The following LIN9 variants were observed in gnomAD, a reference collection of about 807,000 sequenced individuals.
LIN9 encodes the protein protein lin-9 homolog.
In LIN9, 18 loss-of-function variants were observed where a neutral mutation model predicts 78.0. The ratio of observed to expected loss-of-function variants is 0.23; its 90% CI spans 0.16 to 0.34. The LOEUF (loss-of-function observed/expected upper bound fraction) is 0.34, where lower values mean the gene tolerates loss of function less well. Among genes scored for constraint, LIN9 ranks in the 10% least tolerant of loss-of-function variants. The pLI is 1.00. For synonymous variants in LIN9, 192 were observed against 215.2 expected, an observed-to-expected ratio of 0.89 and a Z score of 0.94; for missense variants, 451 against 644.1, an observed-to-expected ratio of 0.70 and a Z score of 3.25.
rs541202288 is a variant in LIN9 at position 226,240,265 on chromosome 1, G to A, written c.1120-1169C>T. Among the ~76,000 whole-genome samples the A allele has an allele frequency of 2.0e-5, 3 of 152,294 alleles. No individual in the cohort carries two copies. The East Asian group carries it at 5.8e-4, about 29-fold the overall frequency. ...GTGGTTTTGTTGTTGTTGTTTTTGG[G>A]ATGGCGTCTTGCTATGTTGCCCAGG... On this transcript the variant is annotated intron_variant, in intron 11 of 14. Coordinates refer to ENST00000681046, the MANE Select transcript of LIN9 (RefSeq NM_001366245.2).
In LIN9 at chr1:226,260,628, G is replaced by GTTTTTT. The variant is rs559460640; in HGVS notation, c.1038+4899_1038+4904dup. 4.9e-4 allele frequency among the ~76,000 whole-genome samples: 36 copies of GTTTTTT among 73,418 alleles called. 2 individuals are homozygous for GTTTTTT. The highest frequency in any genetic ancestry group is 1.0e-3 in the African/African-American group (20 of 19,818). 48.2% of individuals were successfully genotyped at this position (73,418 alleles called of 152,430 possible). A position where few individuals can be genotyped will look rare whatever the true frequency, so the allele number is the denominator to read the frequency against. ...AGAATTTAAGATCACGGCCAAATGA[G>GTTTTTT]TTTTTTTTTTTTTTTTTTTTTTTTT... On this transcript the variant is annotated intron_variant, in intron 10 of 14. Transcript: ENST00000681046.
chr1:226,288,047 C>A (rs938174263), intron 4 of LIN9, among the ~76,000 whole-genome samples: 1 of 152,040 alleles, frequency 6.6e-6, no homozygotes, highest in Non-Finnish European at 1.5e-5. Context: ...TCTCGGCTCA[C>A]TGCAACCTCT....
intron 6 of LIN9, among the ~76,000 whole-genome samples, chr1:226,282,334 CTG>C (rs1373586370): frequency 6.6e-6 from 1 of 152,180 alleles, no homozygotes; most frequent in African/African-American, 2.4e-5. Context: ...GCAAGTAGCT[CTG>C]TGTTGTACAT....
intron 4 of LIN9, among the ~76,000 whole-genome samples, chr1:226,291,391 C>T (rs1464099767): frequency 6.6e-6 from 1 of 152,052 alleles, no homozygotes; most frequent in Non-Finnish European, 1.5e-5. Context: ...CAGAATGACA[C>T]ATGGCACAAT....
At chr1:226,267,429 A>G (rs1361233577) in intron 8 of LIN9, among the ~76,000 whole-genome samples, 1 of 149,592 alleles carries the variant, frequency 6.7e-6, no homozygotes, top group Non-Finnish European at 1.5e-5. Flanking sequence ...TCTCAAAAAA[A>G]AAAAAAAAAA....
intron 6 of LIN9, among the ~76,000 whole-genome samples, chr1:226,281,104 C>T (rs868409069): frequency 5.9e-5 from 9 of 152,244 alleles, no homozygotes; most frequent in Middle Eastern, 3.4e-3. Flanking sequence ...TAATGAAATC[C>T]TGTCATTTGC....
chr1:226,238,850 A>C (rs1018103255), intron 12 of LIN9, 121 bp downstream of exon 12: 2 of 913,822 alleles, frequency 2.2e-6, no homozygotes, highest in Non-Finnish European at 3.3e-6. Flanking sequence ...ACTTTATATA[A>C]TACAGTTCTG....
intron 2 of LIN9, among the ~76,000 whole-genome samples, chr1:226,298,044 T>C (rs1398555022): frequency 2.6e-5 from 4 of 152,262 alleles, no homozygotes; most frequent in African/African-American, 9.6e-5. Flanking sequence ...TAAATGTCCA[T>C]ACTGAAACAT....
chr1:226,283,946 A>C (rs1661237644), intron 6 of LIN9, among the ~76,000 whole-genome samples: 1 of 152,132 alleles, frequency 6.6e-6, no homozygotes, highest in Admixed American at 6.5e-5. Flanking sequence ...CCATCTCAAA[A>C]AAAAAAGAGA....
At chr1:226,284,007 G>C (rs1661246071) in intron 6 of LIN9, among the ~76,000 whole-genome samples, 1 of 151,780 alleles carries the variant, frequency 6.6e-6, no homozygotes, top group Non-Finnish European at 1.5e-5. Context: ...ACTCTCTTAT[G>C]TTTTCCTCTT....
intron 11 of LIN9, among the ~76,000 whole-genome samples, chr1:226,244,234 T>C (rs368984043): frequency 1.2e-4 from 17 of 144,260 alleles, no homozygotes; most frequent in African/African-American, 4.2e-4. Flanking sequence ...AGTTAAAGAC[T>C]AGCCTGGCCA....
intron 14 of LIN9, 81 bp from the exon 15 acceptor site, chr1:226,232,687 GT>G: frequency 1.4e-6 from 1 of 721,832 alleles, no homozygotes; most frequent in Non-Finnish European, 2.3e-6. Flanking sequence ...CTGAATTTTA[GT>G]TAGGAAACAG....
intron 10 of LIN9, among the ~76,000 whole-genome samples, chr1:226,253,566 A>T (rs994854449): frequency 1.3e-5 from 2 of 149,764 alleles, no homozygotes; most frequent in Admixed American, 1.3e-4. Context: ...AAGTGCTGGG[A>T]TTACATACAG....
At chr1:226,284,607 C>T (rs1324510534) in intron 6 of LIN9, among the ~76,000 whole-genome samples, 4 of 152,016 alleles carry the variant, frequency 2.6e-5, no homozygotes, top group African/African-American at 9.7e-5. Context: ...ACCTATAATC[C>T]CAGCTACTCA....
chr1:226,291,887 T>C (rs1332158979), intron 4 of LIN9, among the ~76,000 whole-genome samples: 1 of 152,062 alleles, frequency 6.6e-6, no homozygotes, highest in Non-Finnish European at 1.5e-5. Flanking sequence ...TTGTTTTTCT[T>C]TGTTTTCCCT....
chr1:226,282,143 T>TTGCTGTGGAATGCGATGGTTCCA (rs1661105260), intron 6 of LIN9, among the ~76,000 whole-genome samples: 1 of 152,186 alleles, frequency 6.6e-6, no homozygotes, highest in Non-Finnish European at 1.5e-5. Context: ...CATTTCCATA[T>TTGCTGTGGAATGCGATGGTTCCA]TAGTACATAG....
intron 11 of LIN9, among the ~76,000 whole-genome samples, chr1:226,242,201 A>G (rs926785464): frequency 6.6e-6 from 1 of 152,232 alleles, no homozygotes; most frequent in Admixed American, 6.5e-5. Flanking sequence ...GACATGGGAG[A>G]CAAATACACC....
At position 226,309,145 on chromosome 1, in the gene LIN9, A is replaced by C. The variant is rs761040518; in HGVS notation, c.-6T>G. Reference sequence around the variant, plus strand: ...AACTGGTCGAGCTCCGCCATCTTGAACGAGCCGCGCCGCTTTTTCAAAGGC... The same window carrying C: ...AACTGGTCGAGCTCCGCCATCTTGACCGAGCCGCGCCGCTTTTTCAAAGGC... On this transcript the variant is annotated 5_prime_UTR_variant, in exon 1 of 15. Transcript: ENST00000681046. 5 of 1,370,692 alleles carry C rather than the reference A, an allele frequency of 3.6e-6. No homozygotes were observed. The highest frequency in any genetic ancestry group is 4.8e-6 in the Non-Finnish European group (5 of 1,048,954). 84.9% of individuals were successfully genotyped at this position (1,370,692 alleles called of 1,614,324 possible). A position where few individuals can be genotyped will look rare whatever the true frequency, so the allele number is the denominator to read the frequency against.
upstream of LIN9, chr1:226,309,628 T>G (rs756616337): frequency 7.1e-6 from 9 of 1,270,492 alleles, no homozygotes; most frequent in Non-Finnish European, 9.3e-6. Context: ...ATACTCACAG[T>G]TCCCGAAACC....
Sources: allele counts gnomAD v4.1 joint callset (sites outside exome capture counted in the v4.1 genomes callset), GRCh38; gene constraint gnomAD v4.1.1; transcripts MANE v1.5; gene names NCBI Gene and HGNC (gene_info 2026-07-23, HGNC 2026-07-21).